The following CLMP variants were observed in gnomAD, a reference collection of about 807,000 sequenced individuals.
CLMP encodes the protein CXADR-like membrane protein.
A neutral mutation model predicts 45.2 loss-of-function variants in CLMP; 27 were observed. That is an observed-to-expected ratio of 0.60 (90% CI 0.44 to 0.82). The LOEUF (loss-of-function observed/expected upper bound fraction) is 0.82, where lower values mean the gene tolerates loss of function less well. Among genes scored for constraint, CLMP ranks in the 40% least tolerant of loss-of-function variants. CLMP has a pLI of 0.00. For missense variants in CLMP, 403 were observed against 448.4 expected, an observed-to-expected ratio of 0.90 and a Z score of 0.91; for synonymous variants, 167 against 171.4, an observed-to-expected ratio of 0.97 and a Z score of 0.20.
intron 1 of CLMP, among the ~76,000 whole-genome samples, chr11:123,175,975 C>A (rs993639776): frequency 5.9e-5 from 9 of 152,154 alleles, no homozygotes; most frequent in African/African-American, 2.2e-4. Flanking sequence ...TAAACTTAGG[C>A]CACTGGTCCT....
chr11:123,109,987 T>C (rs1043581650), intron 1 of CLMP, among the ~76,000 whole-genome samples: 1 of 152,160 alleles, frequency 6.6e-6, no homozygotes, highest in Non-Finnish European at 1.5e-5. Flanking sequence ...GAACAAATTA[T>C]GAAGATGGAA....
chr11:123,150,485 AAGGAAGG>A (rs1861309375), intron 1 of CLMP, among the ~76,000 whole-genome samples: 21 of 109,982 alleles, frequency 1.9e-4, no homozygotes, highest in African/African-American at 5.9e-4. Flanking sequence ...GAAAGAAAGG[AAGGAAGG>A]AAGGAAGGAA....
intron 1 of CLMP, among the ~76,000 whole-genome samples, chr11:123,121,080 T>C (rs1450967871): frequency 4.0e-5 from 5 of 124,014 alleles, no homozygotes; most frequent in African/African-American, 1.6e-4. Flanking sequence ...TGAGCCAAGA[T>C]CCCGCCACTG....
intron 1 of CLMP, chr11:123,135,915 C>G: frequency 1.9e-6 from 1 of 539,228 alleles, no homozygotes; most frequent in Non-Finnish European, 3.8e-6. Context: ...AGAACATTCA[C>G]GTCCTTAAGA....
intron 1 of CLMP, among the ~76,000 whole-genome samples, chr11:123,112,967 G>T (rs922283261): frequency 5.3e-5 from 8 of 151,790 alleles, no homozygotes; most frequent in African/African-American, 1.9e-4. Context: ...TAGAGACGGG[G>T]TTTCACCGTG....
chr11:123,099,601 A>G (rs1440203239), intron 1 of CLMP, among the ~76,000 whole-genome samples: 9 of 152,104 alleles, frequency 5.9e-5, no homozygotes, highest in African/African-American at 2.2e-4. Context: ...AGCTTGGAAA[A>G]TGGAATTCAT....
At chr11:123,103,891 G>A (rs1860494230) in intron 1 of CLMP, among the ~76,000 whole-genome samples, 1 of 148,498 alleles carries the variant, frequency 6.7e-6, no homozygotes, top group Non-Finnish European at 1.5e-5. Context: ...GTGCAGTCGC[G>A]CAATCTCGGC....
chr11:123,105,427 TTTTC>T (rs1192767671), intron 1 of CLMP, among the ~76,000 whole-genome samples: 8 of 146,954 alleles, frequency 5.4e-5, no homozygotes, highest in African/African-American at 1.0e-4. Flanking sequence ...TTCTTTCTTC[TTTTC>T]TTTCTTTCTT....
intron 1 of CLMP, among the ~76,000 whole-genome samples, chr11:123,128,199 A>C (rs1273609341): frequency 6.6e-6 from 1 of 152,002 alleles, no homozygotes; most frequent in Admixed American, 6.6e-5. Flanking sequence ...ATGAAGAAAA[A>C]GACTTTAACA....
chr11:123,192,641 G>T (rs1861923546), intron 1 of CLMP, among the ~76,000 whole-genome samples: 1 of 152,140 alleles, frequency 6.6e-6, no homozygotes, highest in African/African-American at 2.4e-5. Context: ...TCTCCATGGG[G>T]CTCAGAGCAC....
chr11:123,106,382 GGTGTGTGTGTGT>G (rs539659160), intron 1 of CLMP, among the ~76,000 whole-genome samples: 86 of 135,290 alleles, frequency 6.4e-4, no homozygotes, highest in Middle Eastern at 7.8e-3. Flanking sequence ...TTCTGTAGGA[GGTGTGTGTGTGT>G]GTGTGTGTGT....
At chr11:123,108,662 G>C (rs992740329) in intron 1 of CLMP, among the ~76,000 whole-genome samples, 1 of 152,106 alleles carries the variant, frequency 6.6e-6, no homozygotes, top group Non-Finnish European at 1.5e-5. Context: ...GAAGGAAAAA[G>C]GAGGAGAGTG....
chr11:123,085,184 T>A (rs1865849425), intron 2 of CLMP, among the ~76,000 whole-genome samples: 1 of 64,338 alleles, frequency 1.6e-5, no homozygotes, highest in Non-Finnish European at 2.6e-5. Flanking sequence ...CTCCCATTCT[T>A]TTTTTTTTTT....
Position 123,170,338 on chromosome 11 carries a change from AT to A in CLMP, c.28+24574del, listed in dbSNP as rs1288944037. Among the ~76,000 whole-genome samples the A allele has an allele frequency of 3.3e-5, 5 of 152,182 alleles. No individual in the cohort carries two copies. The East Asian group carries it at 9.7e-4, about 29-fold the overall frequency. On this transcript the variant is annotated intron_variant, in intron 1 of 6. Coordinates refer to ENST00000448775, the MANE Select transcript of CLMP (RefSeq NM_024769.5). ...AACTCCCCAGGCCTCTTAGGTAGTA[AT>A]TTGGGAAAGAGAAGAAAACAGGTCA...
chr11:123,118,973 CTTTCTTTCTTTCTTTCTT>C (rs1565387792), intron 1 of CLMP, among the ~76,000 whole-genome samples: 3 of 47,810 alleles, frequency 6.3e-5, no homozygotes, highest in African/African-American at 1.9e-4. Context: ...TTCTTTCTTT[CTTTCTTTCTTTCTTTCTT>C]TCTTTCTTTC....
intron 1 of CLMP, among the ~76,000 whole-genome samples, chr11:123,146,090 A>G (rs935365564): frequency 5.3e-5 from 8 of 152,216 alleles, no homozygotes; most frequent in African/African-American, 1.9e-4. Context: ...GGGGATGTTC[A>G]GGTATGGAAA....
At chr11:123,115,289 C>T (rs980973245) in intron 1 of CLMP, among the ~76,000 whole-genome samples, 1 of 152,012 alleles carries the variant, frequency 6.6e-6, no homozygotes, top group Non-Finnish European at 1.5e-5. Flanking sequence ...CTCAAGCGAT[C>T]CTCTTTTCTA....
chr11:123,115,282 A>C (rs1415733259), intron 1 of CLMP, among the ~76,000 whole-genome samples: 1 of 152,024 alleles, frequency 6.6e-6, no homozygotes, highest in Non-Finnish European at 1.5e-5. Context: ...TCCTGGGCTC[A>C]AGCGATCCTC....
chr11:123,159,260 C>T (rs1861453491), intron 1 of CLMP, among the ~76,000 whole-genome samples: 1 of 152,220 alleles, frequency 6.6e-6, no homozygotes, highest in African/African-American at 2.4e-5. Flanking sequence ...TAAATATCAG[C>T]CTTCCAGAAT....
Sources: allele counts gnomAD v4.1 joint callset (sites outside exome capture counted in the v4.1 genomes callset), GRCh38; gene constraint gnomAD v4.1.1; transcripts MANE v1.5; gene names NCBI Gene and HGNC (gene_info 2026-07-23, HGNC 2026-07-21).